The following SYNPR variants were observed in gnomAD, a reference collection of about 807,000 sequenced individuals.
SYNPR encodes the protein synaptoporin.
A neutral mutation model predicts 32.9 loss-of-function variants in SYNPR; 23 were observed. The observed-to-expected ratio is 0.70, with a 90% CI of 0.50 to 0.99. SYNPR has a LOEUF of 0.99. Ranked by LOEUF, SYNPR falls within the 50% of genes least tolerant of loss-of-function variation. SYNPR has a pLI of 0.00. For synonymous variants in SYNPR, 146 were observed against 135.9 expected, an observed-to-expected ratio of 1.07 and a Z score of -0.52; for missense variants, 318 against 349.3, an observed-to-expected ratio of 0.91 and a Z score of 0.71.
intron 2 of SYNPR, among the ~76,000 whole-genome samples, chr3:63,260,876 A>C: frequency 1.3e-5 from 1 of 76,034 alleles, no homozygotes; most frequent in East Asian, 2.5e-4. Context: ...AATTTACAAG[A>C]AAAAAAAAAA....
chr3:63,303,428 C>T (rs896524330), intron 2 of SYNPR, among the ~76,000 whole-genome samples: 1 of 151,920 alleles, frequency 6.6e-6, no homozygotes, highest in Non-Finnish European at 1.5e-5. Context: ...AAAATGAACA[C>T]GTCAGTACCT....
At chr3:63,222,560 A>G in the SYNPR span, among the ~76,000 whole-genome samples, 1 of 152,044 alleles carries the variant, frequency 6.6e-6, no homozygotes, top group Non-Finnish European at 1.5e-5. Context: ...GCTGTCACTC[A>G]GGGTGGAGTG....
chr3:63,573,628 A>G (rs1702928319), intron 4 of SYNPR, among the ~76,000 whole-genome samples: 1 of 152,168 alleles, frequency 6.6e-6, no homozygotes, highest in African/African-American at 2.4e-5. Flanking sequence ...ATCAATTGCC[A>G]AAGTCACACA....
At chr3:63,580,234 T>C (rs1461556222) in intron 4 of SYNPR, among the ~76,000 whole-genome samples, 1 of 152,194 alleles carries the variant, frequency 6.6e-6, no homozygotes, top group Non-Finnish European at 1.5e-5. Flanking sequence ...TTATTGATAA[T>C]ACTCAGGTGA....
At chr3:63,384,095 G>C (rs2088010669) in intron 2 of SYNPR, among the ~76,000 whole-genome samples, 1 of 152,204 alleles carries the variant, frequency 6.6e-6, no homozygotes, top group South Asian at 2.1e-4. Flanking sequence ...ATCAATTTGA[G>C]GGCAGCCAAT....
chr3:63,520,869 G>T (rs191773292), intron 3 of SYNPR, among the ~76,000 whole-genome samples: 9 of 152,296 alleles, frequency 5.9e-5, no homozygotes, highest in African/African-American at 2.2e-4. Flanking sequence ...AAATTCACAG[G>T]CTCTAGGGAG....
chr3:63,302,777 G>GA (rs1368929946), intron 2 of SYNPR, among the ~76,000 whole-genome samples: 1 of 151,806 alleles, frequency 6.6e-6, no homozygotes, highest in African/African-American at 2.4e-5. Flanking sequence ...AATAAACTTA[G>GA]AAAAATTGAT....
At chr3:63,443,430 A>T in intron 2 of SYNPR, 1 of 1,605,914 alleles carries the variant, frequency 6.2e-7, no homozygotes, top group South Asian at 1.1e-5. Flanking sequence ...AAGTTGGATT[A>T]TCAATTCTTT....
chr3:63,324,072 T>C (rs1264233321), intron 2 of SYNPR, among the ~76,000 whole-genome samples: 3 of 152,054 alleles, frequency 2.0e-5, no homozygotes, highest in Non-Finnish European at 4.4e-5. Context: ...TAATGAAAAA[T>C]GATGCTGAAA....
intron 4 of SYNPR, among the ~76,000 whole-genome samples, chr3:63,557,596 A>G (rs77322375): frequency 0.038 from 5,816 of 152,260 alleles, 411 homozygotes; most frequent in African/African-American, 0.13. Context: ...GAGGTTTACT[A>G]TTTTTTGGCT....
At chr3:63,374,463 CA>C (rs1202046021) in intron 2 of SYNPR, among the ~76,000 whole-genome samples, 1 of 151,988 alleles carries the variant, frequency 6.6e-6, no homozygotes, top group Non-Finnish European at 1.5e-5. Flanking sequence ...GAGAGAGGAT[CA>C]AAAAACTACC....
At chr3:63,370,951 A>C (rs983089071) in intron 2 of SYNPR, among the ~76,000 whole-genome samples, 2 of 152,168 alleles carry the variant, frequency 1.3e-5, no homozygotes, top group Non-Finnish European at 2.9e-5. Flanking sequence ...ATGGCTGACT[A>C]GAAGGAGCTA....
At chr3:63,311,514 A>C (rs556152281) in intron 2 of SYNPR, among the ~76,000 whole-genome samples, 1 of 152,102 alleles carries the variant, frequency 6.6e-6, no homozygotes, top group East Asian at 2.0e-4. Flanking sequence ...TCTAGGTTGC[A>C]TGCTTTTTAT....
At chr3:63,392,560 G>A (rs1329863166) in intron 2 of SYNPR, among the ~76,000 whole-genome samples, 2 of 152,222 alleles carry the variant, frequency 1.3e-5, no homozygotes, top group Non-Finnish European at 2.9e-5. Context: ...GTATGGGGAA[G>A]GTACTTTGAA....
intron 1 of SYNPR, among the ~76,000 whole-genome samples, chr3:63,229,613 G>A: frequency 6.6e-6 from 1 of 152,122 alleles, no homozygotes; most frequent in Non-Finnish European, 1.5e-5. Flanking sequence ...GGATTCAAAT[G>A]TCTTATGCCT....
intron 2 of SYNPR, among the ~76,000 whole-genome samples, chr3:63,340,374 T>G (rs2087349341): frequency 6.6e-6 from 1 of 151,630 alleles, no homozygotes; most frequent in Middle Eastern, 3.2e-3. Context: ...CAGTGAACAG[T>G]CACACATTCA....
chr3:63,200,940 G>C, the SYNPR span, among the ~76,000 whole-genome samples: 1 of 152,170 alleles, frequency 6.6e-6, no homozygotes, highest in Non-Finnish European at 1.5e-5. Context: ...AATGGGCAGA[G>C]AAGAGCTTCG....
At chr3:63,506,199 CA>C (rs1701584673) in intron 3 of SYNPR, among the ~76,000 whole-genome samples, 1 of 151,890 alleles carries the variant, frequency 6.6e-6, no homozygotes, top group Non-Finnish European at 1.5e-5. Context: ...CTTAGCCTTA[CA>C]GAGCAAATTT....
chr3:63,568,040 A>T (rs1490019645), intron 4 of SYNPR, among the ~76,000 whole-genome samples: 1 of 152,256 alleles, frequency 6.6e-6, no homozygotes, highest in African/African-American at 2.4e-5. Context: ...TTGACAATCT[A>T]GAAATTGCAA....
Sources: allele counts gnomAD v4.1 joint callset (sites outside exome capture counted in the v4.1 genomes callset), GRCh38; gene constraint gnomAD v4.1.1; transcripts MANE v1.5; gene names NCBI Gene and HGNC (gene_info 2026-07-23, HGNC 2026-07-21).